The following RNF114 variants were observed in gnomAD, a reference collection of about 807,000 sequenced individuals.
RNF114 encodes the protein E3 ubiquitin-protein ligase RNF114.
A neutral mutation model predicts 28.4 loss-of-function variants in RNF114; 6 were observed. The ratio of observed to expected loss-of-function variants is 0.21; its 90% CI spans 0.12 to 0.42. The LOEUF (loss-of-function observed/expected upper bound fraction) is 0.42. Ranked by LOEUF, RNF114 falls within the 10% of genes least tolerant of loss-of-function variation. The probability of loss-of-function intolerance (pLI) is 1.00; values close to 1 mark genes in which losing one functional copy is unlikely to be tolerated. For missense variants in RNF114, 249 were observed against 311.7 expected, an observed-to-expected ratio of 0.80 and a Z score of 1.51; for synonymous variants, 115 against 116.7, an observed-to-expected ratio of 0.99 and a Z score of 0.09.
intron 5 of RNF114, 60 bp downstream of exon 5, chr20:49,949,415 C>G: frequency 2.1e-6 from 3 of 1,412,594 alleles, no homozygotes; most frequent in Non-Finnish European, 3.0e-6. Flanking sequence ...CTACTTCACT[C>G]TTCTCAAAAG....
chr20:49,951,279 G>C (rs1568922168), intron 5 of RNF114, among the ~76,000 whole-genome samples: 1 of 150,288 alleles, frequency 6.7e-6, no homozygotes, highest in Non-Finnish European at 1.5e-5. Context: ...ATGTGACACA[G>C]ATGAATTACA....
intron 4 of RNF114, among the ~76,000 whole-genome samples, chr20:49,947,895 C>T (rs1000955722): frequency 6.7e-6 from 1 of 148,500 alleles, no homozygotes; most frequent in African/African-American, 2.5e-5. Context: ...GGGTTCACGC[C>T]ATTCTCCTGC....
At chr20:49,941,188 T>A (rs1197961773) in intron 1 of RNF114, 1 of 170,668 alleles carries the variant, frequency 5.9e-6, no homozygotes, top group Non-Finnish European at 1.2e-5. Flanking sequence ...AGGGGTCTGC[T>A]ATACAAACTG....
chr20:49,948,683 C>T (rs762719657), intron 4 of RNF114, among the ~76,000 whole-genome samples: 12 of 152,106 alleles, frequency 7.9e-5, no homozygotes, highest in Non-Finnish European at 1.6e-4. Flanking sequence ...GGTGATCTAC[C>T]GCTTTGGCCT....
At chr20:49,943,596 T>G (rs1307768310) in intron 2 of RNF114, among the ~76,000 whole-genome samples, 1 of 150,766 alleles carries the variant, frequency 6.6e-6, no homozygotes, top group East Asian at 2.0e-4. Flanking sequence ...TTTTTCCCCC[T>G]TTGAAGTTTA....
At position 49,952,536 on chromosome 20, in the gene RNF114, A is replaced by G. The variant is rs1237931075; in HGVS notation, c.*395A>G. On this transcript the variant is annotated 3_prime_UTR_variant, in exon 6 of 6. Transcript: ENST00000244061. The stretch of plus-strand genomic sequence containing the variant: ...ACCTTTTCTGGGTCATGAATAGCAC[A>G]ATGAAGCAAGTGTCTCCTTTCCTTG... The G allele has an allele frequency of 2.8e-6, 1 of 352,926 alleles. No individual in the cohort carries two copies. Among genetic ancestry groups the G allele is most frequent in the African/African-American group, 2.1e-5 (1 of 48,558 alleles). The allele number at this position is 352,926 out of a possible 1,614,324, so 21.9% of individuals were successfully genotyped here.
chr20:49,946,091 G>T, intron 3 of RNF114, 45 bp from the exon 4 acceptor site: 1 of 1,000,492 alleles, frequency 1.0e-6, no homozygotes, highest in African/African-American at 1.6e-5. Flanking sequence ...TAATGGAAAG[G>T]TACTCACAGA....
intron 4 of RNF114, among the ~76,000 whole-genome samples, chr20:49,947,265 G>A (rs2146858435): frequency 7.7e-6 from 1 of 129,800 alleles, no homozygotes; most frequent in South Asian, 2.6e-4. Flanking sequence ...TCTTAGCAAT[G>A]TGTTACCTTT....
chr20:49,946,584 C>T (rs2090332346), intron 4 of RNF114, among the ~76,000 whole-genome samples: 1 of 150,260 alleles, frequency 6.7e-6, no homozygotes, highest in Admixed American at 6.8e-5. Flanking sequence ...AACATTGATT[C>T]AATCTAATGT....
At chr20:49,941,424 C>T in intron 1 of RNF114, 137 bp from the exon 2 acceptor site, 1 of 931,098 alleles carries the variant, frequency 1.1e-6, no homozygotes, top group Non-Finnish European at 1.6e-6. Context: ...CTTGGAAGGA[C>T]TTAGTATTTG....
rs1166541903 is a variant in RNF114, at chr20:49,936,502, C to A, written c.90C>A (p.Pro30=). 6.3e-7 allele frequency: 1 copy of A among 1,577,158 alleles called. No homozygotes were observed. The highest frequency in any genetic ancestry group is 1.2e-5 in the South Asian group (1 of 86,492). The change falls in exon 1 of 6, where the codon CCC becomes CCA. Residue 30 remains proline, a synonymous_variant. Transcript: ENST00000244061. ...EADPLGRFTC[P]VCLEVYEKPV... The stretch of plus-strand genomic sequence containing the variant: ...ACCCCCTAGGACGCTTCACGTGTCC[C>A]GTGTGCTTAGAGGTGTACGAGAAGC...
At chr20:49,945,126 T>G (rs2090324699) in intron 2 of RNF114, 1 of 338,094 alleles carries the variant, frequency 3.0e-6, no homozygotes, top group Admixed American at 4.4e-5. Flanking sequence ...CTATCATGAA[T>G]AGGAGCAAAC....
At chr20:49,942,205 T>C (rs138975704) in intron 2 of RNF114, among the ~76,000 whole-genome samples, 104 of 152,084 alleles carry the variant, frequency 6.8e-4, no homozygotes, top group South Asian at 1.9e-3. Context: ...ATTACAGTGA[T>C]CTATGATCAT....
chr20:49,946,260 CTTTT>C lies in RNF114; in HGVS notation c.513+22_513+25del. 6.5e-6 allele frequency: 7 copies of C among 1,080,282 alleles called. No individual in the cohort carries two copies. The highest frequency in any genetic ancestry group is 1.6e-5 in the South Asian group (1 of 63,910). 66.9% of individuals were successfully genotyped at this position (1,080,282 alleles called of 1,614,324 possible). A position where few individuals can be genotyped will look rare whatever the true frequency, so the allele number is the denominator to read the frequency against. The stretch of plus-strand genomic sequence containing the variant: ...GGATACCAAATCTGTGGTGAGTAAC[CTTTT>C]TTTTTTTTTTTAAACTTCATTAAGG... On this transcript the variant is annotated intron_variant, in intron 4 of 5. Coordinates refer to ENST00000244061, the MANE Select transcript of RNF114 (RefSeq NM_018683.4).
chr20:49,942,285 G>T (rs1057146431), intron 2 of RNF114, among the ~76,000 whole-genome samples: 17 of 152,036 alleles, frequency 1.1e-4, no homozygotes, highest in Non-Finnish European at 1.5e-5. Context: ...GAAATCATTG[G>T]ATTGTAATAA....
At position 49,949,298 on chromosome 20, in the gene RNF114, C is replaced by A; in HGVS notation, c.564C>A (p.Ser188Arg). 1 of 1,614,182 alleles carries A rather than the reference C, an allele frequency of 6.2e-7. No homozygotes were observed. The highest frequency in any genetic ancestry group is 1.1e-5 in the South Asian group (1 of 91,080). Residue 188 changes from serine to arginine, a missense_variant, in exon 5 of 6, where the codon AGC (serine) becomes AGA (arginine). Coordinates refer to ENST00000244061, the MANE Select transcript of RNF114 (RefSeq NM_018683.4). ...CCTGGGGAGACCCCAACTACCGCAG[C>A]GCCAACTTCAGAGAGCACATCCAGC... ...SMPWGDPNYR[S>R]ANFREHIQRR...
At chr20:49,950,262 A>C (rs942996269) in intron 5 of RNF114, among the ~76,000 whole-genome samples, 3 of 151,324 alleles carry the variant, frequency 2.0e-5, no homozygotes, top group Admixed American at 6.6e-5. Context: ...ACAAACAAGA[A>C]GATGATCTGG....
chr20:49,952,915 G>A lies in RNF114; in HGVS notation c.*774G>A, dbSNP rs1412975617. 2 of 152,578 alleles carry A rather than the reference G, an allele frequency of 1.3e-5. No individual in the cohort carries two copies. The highest frequency in any genetic ancestry group is 4.8e-5 in the African/African-American group (2 of 41,430). 9.5% of individuals were successfully genotyped at this position (152,578 alleles called of 1,614,324 possible). ...GGGAGGGCCAGAGCTTTTTGGTTCT[G>A]ATTTACAAATTAATGAAGTAGTTTC... is the stretch of plus-strand genomic sequence containing the variant. On this transcript the variant is annotated 3_prime_UTR_variant, in exon 6 of 6. Coordinates refer to ENST00000244061, the MANE Select transcript of RNF114 (RefSeq NM_018683.4).
chr20:49,948,465 C>G (rs2090343523), intron 4 of RNF114, among the ~76,000 whole-genome samples: 1 of 148,790 alleles, frequency 6.7e-6, no homozygotes, highest in Non-Finnish European at 1.5e-5. Context: ...GAGTCTCACT[C>G]TGTCACCCAG....
Sources: gnomAD v4.1 joint callset for allele counts (sites outside exome capture counted in the v4.1 genomes callset) on GRCh38, gnomAD v4.1.1 for gene constraint, MANE v1.5 for transcripts, NCBI Gene and HGNC (gene_info 2026-07-23, HGNC 2026-07-21) for gene names.